The following RAPGEF5 variants were observed in gnomAD, a reference collection of about 807,000 sequenced individuals.
The protein encoded by RAPGEF5 is M-Ras-regulated GEF.
A neutral mutation model predicts 125.2 loss-of-function variants in RAPGEF5; 65 were observed. The ratio of observed to expected loss-of-function variants is 0.52; its 90% CI spans 0.43 to 0.64. The LOEUF (loss-of-function observed/expected upper bound fraction) is 0.64, where lower values mean the gene tolerates loss of function less well. Among genes scored for constraint, RAPGEF5 ranks in the 30% least tolerant of loss-of-function variants. The pLI is 0.00. For synonymous variants in RAPGEF5, 391 were observed against 385.9 expected (o/e 1.01, Z -0.16); for missense variants, 958 against 1,048.1 (o/e 0.91, Z 1.19).
At chr7:22,349,833 C>T (rs12534999) in intron 1 of RAPGEF5, among the ~76,000 whole-genome samples, 13,748 of 152,228 alleles carry the variant, frequency 0.09, 765 homozygotes, top group South Asian at 0.16. Context: ...CTGCTATTTC[C>T]TACATGGTTA....
chr7:22,193,780 G>A, intron 10 of RAPGEF5, 135 bp downstream of exon 10: 1 of 1,594,554 alleles, frequency 6.3e-7, no homozygotes, highest in Non-Finnish European at 8.5e-7. Context: ...CTAGAACGCT[G>A]GAGAGGCGGA....
chr7:22,217,585 T>C (rs1291751201), intron 9 of RAPGEF5, among the ~76,000 whole-genome samples: 1 of 152,146 alleles, frequency 6.6e-6, no homozygotes, highest in African/African-American at 2.4e-5. Flanking sequence ...GCCTTGAGAG[T>C]TGAAAGATTC....
intron 18 of RAPGEF5, among the ~76,000 whole-genome samples, chr7:22,149,402 G>C (rs539395790): frequency 2.6e-4 from 40 of 152,352 alleles, no homozygotes; most frequent in African/African-American, 9.4e-4. Context: ...TCCATGAAGA[G>C]ATGGGGACTC....
At chr7:22,316,508 T>TA (rs71026874) in intron 2 of RAPGEF5, among the ~76,000 whole-genome samples, 1 of 139,886 alleles carries the variant, frequency 7.1e-6, no homozygotes, top group African/African-American at 2.7e-5. Context: ...TTTTTTTTTT[T>TA]GAGGCAGGGT....
intron 7 of RAPGEF5, among the ~76,000 whole-genome samples, chr7:22,262,712 A>G (rs1782186220): frequency 7.0e-6 from 1 of 143,564 alleles, no homozygotes; most frequent in East Asian, 2.4e-4. Context: ...GGTTAAAAGT[A>G]TTATGGTACA....
intron 25 of RAPGEF5, among the ~76,000 whole-genome samples, chr7:22,123,541 T>A (rs986951463): frequency 2.0e-5 from 3 of 152,142 alleles, no homozygotes; most frequent in African/African-American, 7.2e-5. Flanking sequence ...CTTATAGCAT[T>A]TTTTTCTCTT....
At chr7:22,148,432 C>T (rs1783514335) in intron 18 of RAPGEF5, among the ~76,000 whole-genome samples, 1 of 152,196 alleles carries the variant, frequency 6.6e-6, no homozygotes, top group African/African-American at 2.4e-5. Context: ...CTATCTCATT[C>T]CTTCAGTGCT....
chr7:22,225,796 T>C (rs1324113871), intron 8 of RAPGEF5, among the ~76,000 whole-genome samples: 1 of 152,214 alleles, frequency 6.6e-6, no homozygotes, highest in African/African-American at 2.4e-5. Context: ...TGTATAACTG[T>C]CAGAAGAGTT....
intron 5 of RAPGEF5, among the ~76,000 whole-genome samples, chr7:22,297,725 G>A (rs1783096742): frequency 6.6e-6 from 1 of 152,180 alleles, no homozygotes; most frequent in South Asian, 2.1e-4. Context: ...AGGAGAGATG[G>A]CTTTATGTTT....
intron 9 of RAPGEF5, among the ~76,000 whole-genome samples, chr7:22,207,083 T>C (rs778204433): frequency 4.6e-5 from 7 of 152,168 alleles, no homozygotes; most frequent in Non-Finnish European, 1.0e-4. Flanking sequence ...TTTTCCTCCC[T>C]CTCCCTTGGC....
chr7:22,208,761 A>G (rs1243237047), intron 9 of RAPGEF5, among the ~76,000 whole-genome samples: 1 of 152,226 alleles, frequency 6.6e-6, no homozygotes, highest in East Asian at 1.9e-4. Context: ...GAAGCAATCT[A>G]AAAACTTGGG....
intron 13 of RAPGEF5, among the ~76,000 whole-genome samples, chr7:22,161,647 A>G (rs1474442264): frequency 6.6e-6 from 1 of 152,196 alleles, no homozygotes; most frequent in Non-Finnish European, 1.5e-5. Context: ...CTTTGCAAAC[A>G]ACATGAGTTT....
intron 24 of RAPGEF5, among the ~76,000 whole-genome samples, chr7:22,130,788 A>C (rs911554099): frequency 9.9e-5 from 15 of 152,208 alleles, no homozygotes; most frequent in African/African-American, 3.6e-4. Flanking sequence ...CATTTTTAAA[A>C]ACAAAACGCA....
Position 22,268,360 on chromosome 7 carries a change from G to C in RAPGEF5, c.748-1348C>G, listed in dbSNP as rs560623667. On this transcript the variant is annotated intron_variant, in intron 6 of 25. Coordinates refer to ENST00000665637, the MANE Select transcript of RAPGEF5 (RefSeq NM_012294.5). Reference sequence around the variant, plus strand: ...TTACAGTTAAAGAACTTAGTGGGAAGAGTACTGAGGCAGACAGAAGTGATG... The same window carrying C: ...TTACAGTTAAAGAACTTAGTGGGAACAGTACTGAGGCAGACAGAAGTGATG... 1.6e-4 allele frequency among the ~76,000 whole-genome samples: 25 copies of C among 152,332 alleles called. 1 individual carries two copies. Among genetic ancestry groups the C allele is most frequent in the South Asian group, 1.2e-3 (6 of 4,820 alleles).
chr7:22,145,690 T>C lies in RAPGEF5; in HGVS notation c.2008-468A>G, dbSNP rs10247781. 4.8e-3 allele frequency among the ~76,000 whole-genome samples: 737 copies of C among 152,284 alleles called. 7 individuals carry two copies. Among genetic ancestry groups the C allele is most frequent in the African/African-American group, 0.017 (708 of 41,554 alleles). On this transcript the variant is annotated intron_variant, in intron 19 of 25. Transcript: ENST00000665637. ...GGAGGACTGCTGAAGCACAGATTGC[T>C]GGATCCCACCCCTAGAACTTCTGAT...
At chr7:22,235,847 C>T (rs1443472414) in intron 7 of RAPGEF5, among the ~76,000 whole-genome samples, 2 of 152,138 alleles carry the variant, frequency 1.3e-5, no homozygotes, top group Non-Finnish European at 2.9e-5. Flanking sequence ...CTCATTTTTG[C>T]TATCAATATA....
At chr7:22,316,741 G>A (rs1049507097) in intron 2 of RAPGEF5, among the ~76,000 whole-genome samples, 9 of 150,842 alleles carry the variant, frequency 6.0e-5, no homozygotes, top group African/African-American at 2.2e-4. Context: ...CACACAATCT[G>A]CCCACCTCAG....
At chr7:22,266,911 A>G in intron 7 of RAPGEF5, 53 bp downstream of exon 7, 1 of 1,534,054 alleles carries the variant, frequency 6.5e-7, no homozygotes, top group Non-Finnish European at 9.0e-7. Context: ...ATGATATGTG[A>G]AATACCCCCA....
At chr7:22,232,011 G>A (rs1786069389) in intron 7 of RAPGEF5, among the ~76,000 whole-genome samples, 1 of 152,192 alleles carries the variant, frequency 6.6e-6, no homozygotes, top group African/African-American at 2.4e-5. Context: ...TTGCTGTAAT[G>A]TTGCCTGCAG....
Sources: allele counts gnomAD v4.1 joint callset (sites outside exome capture counted in the v4.1 genomes callset), GRCh38; gene constraint gnomAD v4.1.1; transcripts MANE v1.5; gene names NCBI Gene and HGNC (gene_info 2026-07-23, HGNC 2026-07-21).